Variants in EIPR1 observed in about 807,000 individuals in gnomAD.
The protein encoded by EIPR1 is EARP complex and GARP complex interacting protein 1.
In EIPR1, 25 loss-of-function variants were observed where a neutral mutation model predicts 48.1. That is an observed-to-expected ratio of 0.52 (90% confidence interval 0.38 to 0.73). The LOEUF (loss-of-function observed/expected upper bound fraction) is 0.73. EIPR1 is among the 30% of genes least tolerant of loss of function. The probability of loss-of-function intolerance (pLI) is 0.00; values close to 1 mark genes in which losing one functional copy is unlikely to be tolerated. For missense variants in EIPR1, 415 were observed against 506.2 expected (o/e 0.82, Z 1.73); for synonymous variants, 204 against 201.9 (o/e 1.01, Z -0.09).
At chr2:3,224,357 C>T (rs530654824) in intron 4 of EIPR1, among the ~76,000 whole-genome samples, 6 of 152,182 alleles carry the variant, frequency 3.9e-5, no homozygotes, top group African/African-American at 9.7e-5. Flanking sequence ...ACCATGCGCC[C>T]GGCTTTACCT....
chr2:3,255,704 TC>T (rs1338477279), intron 4 of EIPR1, among the ~76,000 whole-genome samples: 1 of 152,130 alleles, frequency 6.6e-6, no homozygotes, highest in East Asian at 1.9e-4. Flanking sequence ...AGGACTGCCA[TC>T]CGCTACACAT....
intron 3 of EIPR1, among the ~76,000 whole-genome samples, chr2:3,336,901 AAAGGGAAGGGAAGGGAAAAGGG>A (rs1670070263): frequency 6.3e-5 from 4 of 63,596 alleles, no homozygotes; most frequent in African/African-American, 1.1e-4. Flanking sequence ...AGGGAAGGGA[AAAGGGAAGGGAAGGGAAAAGGG>A]AAGGGAAGGG....
chr2:3,223,556 G>A (rs1359788217), intron 4 of EIPR1, among the ~76,000 whole-genome samples: 7 of 152,222 alleles, frequency 4.6e-5, no homozygotes, highest in Admixed American at 3.9e-4. Context: ...GAAAAAGTCT[G>A]TTTATCAAGT....
rs1028281201 is a variant in EIPR1 at position 3,315,086 on chromosome 2, C to T, written c.259+22931G>A. On this transcript the variant is annotated intron_variant, in intron 3 of 8. Transcript: ENST00000382125. ...TGTACCCCACCACAGTCATCACCAC[C>T]GCCATCCATATCACTGTCTTCACCA... 3.2e-4 allele frequency among the ~76,000 whole-genome samples: 48 copies of T among 149,380 alleles called. 1 individual carries two copies. The highest frequency in any genetic ancestry group is 1.0e-3 in the African/African-American group (40 of 40,084).
At chr2:3,192,911 T>C (rs1473000505) in intron 7 of EIPR1, among the ~76,000 whole-genome samples, 1 of 151,700 alleles carries the variant, frequency 6.6e-6, no homozygotes, top group Non-Finnish European at 1.5e-5. Context: ...AACATGTGGA[T>C]TAGCGATATC....
At chr2:3,362,806 C>T (rs954630566) in intron 1 of EIPR1, among the ~76,000 whole-genome samples, 2 of 152,118 alleles carry the variant, frequency 1.3e-5, no homozygotes, top group South Asian at 4.1e-4. Flanking sequence ...GCTGGGGGAG[C>T]CACAGCCCCG....
At chr2:3,237,305 G>A (rs1328695279) in intron 4 of EIPR1, among the ~76,000 whole-genome samples, 3 of 140,586 alleles carry the variant, frequency 2.1e-5, no homozygotes, top group Admixed American at 7.3e-5. Context: ...ATCCAGTTTC[G>A]CTTTCCACAG....
chr2:3,340,204 G>C (rs1286741962), intron 2 of EIPR1, among the ~76,000 whole-genome samples: 1 of 152,184 alleles, frequency 6.6e-6, no homozygotes, highest in Non-Finnish European at 1.5e-5. Context: ...GTCACCCCAG[G>C]GAGTCATTCT....
chr2:3,353,446 T>C (rs1670639312), intron 2 of EIPR1: 2 of 382,516 alleles, frequency 5.2e-6, no homozygotes, highest in Non-Finnish European at 5.2e-6. Context: ...CTTAGGAGTC[T>C]ATAACTTTTA....
intron 2 of EIPR1, among the ~76,000 whole-genome samples, chr2:3,339,400 C>T (rs1355832021): frequency 2.6e-5 from 4 of 152,198 alleles, no homozygotes; most frequent in Non-Finnish European, 5.9e-5. Flanking sequence ...TCCACGATAC[C>T]CAGTAGCACC....
At chr2:3,346,148 C>T (rs180674094) in intron 2 of EIPR1, among the ~76,000 whole-genome samples, 21 of 152,382 alleles carry the variant, frequency 1.4e-4, no homozygotes, top group East Asian at 5.8e-4. Context: ...GGCCACCACT[C>T]GGGAGCTGGC....
At chr2:3,285,062 G>A (rs758125013) in intron 3 of EIPR1, among the ~76,000 whole-genome samples, 2 of 152,184 alleles carry the variant, frequency 1.3e-5, no homozygotes, top group Non-Finnish European at 2.9e-5. Context: ...ACAGGGACAC[G>A]TCAGACCACC....
chr2:3,329,294 CA>C (rs1388726511), intron 3 of EIPR1, among the ~76,000 whole-genome samples: 10 of 80,772 alleles, frequency 1.2e-4, no homozygotes, highest in Admixed American at 3.3e-4. Flanking sequence ...CTAATGATCT[CA>C]GGGCACCAGC....
chr2:3,359,618 T>G (rs1226132561), intron 1 of EIPR1, among the ~76,000 whole-genome samples: 2 of 152,212 alleles, frequency 1.3e-5, no homozygotes, highest in African/African-American at 4.8e-5. Flanking sequence ...ATAAAAAGTT[T>G]AATTTAAGAG....
At chr2:3,341,454 C>T (rs571797126) in intron 2 of EIPR1, among the ~76,000 whole-genome samples, 14 of 151,348 alleles carry the variant, frequency 9.3e-5, no homozygotes, top group Middle Eastern at 3.4e-3. Flanking sequence ...GTACACTATG[C>T]GTGTATGTGC....
In EIPR1 at chr2:3,335,808, G is replaced by A. The variant is rs1328169409; in HGVS notation, c.259+2209C>T. Among the ~76,000 whole-genome samples, 11 of 152,172 alleles carry A rather than the reference G, an allele frequency of 7.2e-5. 1 individual carries two copies. Among genetic ancestry groups the A allele is most frequent in the Middle Eastern group, 6.8e-3 (2 of 294 alleles). On this transcript the variant is annotated intron_variant, in intron 3 of 8. Transcript: ENST00000382125. ...CCTTGTGAAGAAGGCCCTGGCTTCCGTCACCCCCCACTGTGATTGTGCGTT... is the reference window on the plus strand; with the variant it reads ...CCTTGTGAAGAAGGCCCTGGCTTCCATCACCCCCCACTGTGATTGTGCGTT...
chr2:3,344,056 A>G (rs1024319797), intron 2 of EIPR1, among the ~76,000 whole-genome samples: 1 of 152,174 alleles, frequency 6.6e-6, no homozygotes, highest in Non-Finnish European at 1.5e-5. Context: ...AAAAATAAAA[A>G]CAAAAAATAC....
At chr2:3,231,636 A>T (rs1448928291) in intron 4 of EIPR1, among the ~76,000 whole-genome samples, 1 of 152,180 alleles carries the variant, frequency 6.6e-6, no homozygotes, top group East Asian at 1.9e-4. Flanking sequence ...GGTGTATCAC[A>T]TTTACTGACG....
At chr2:3,362,926 T>A (rs866178759) in intron 1 of EIPR1, among the ~76,000 whole-genome samples, 1 of 152,124 alleles carries the variant, frequency 6.6e-6, no homozygotes, top group African/African-American at 2.4e-5. Flanking sequence ...GTACTTCCCA[T>A]ACACATGGTA....
Sources: allele counts gnomAD v4.1 joint callset (sites outside exome capture counted in the v4.1 genomes callset), GRCh38; gene constraint gnomAD v4.1.1; transcripts MANE v1.5; gene names NCBI Gene and HGNC (gene_info 2026-07-23, HGNC 2026-07-21).